Variants in NTM observed in about 807,000 individuals in gnomAD.
NTM encodes the protein neurotrimin.
In NTM, 13 loss-of-function variants were observed where a neutral mutation model predicts 42.1. The observed-to-expected ratio is 0.31, with a 90% CI of 0.20 to 0.49. The LOEUF is 0.49. NTM is among the 20% of genes least tolerant of loss of function. NTM has a pLI of 0.99. For synonymous variants in NTM, 187 were observed against 179.2 expected (o/e 1.04, Z -0.35); for missense variants, 373 against 452.8 (o/e 0.82, Z 1.60).
chr11:131,645,471 C>T (rs75836773), intron 1 of NTM, among the ~76,000 whole-genome samples: 3 of 152,216 alleles, frequency 2.0e-5, no homozygotes, highest in Non-Finnish European at 2.9e-5. Context: ...CACCTTCAGA[C>T]CTACATGCTA....
intron 1 of NTM, among the ~76,000 whole-genome samples, chr11:131,388,645 C>T (rs1943616255): frequency 6.6e-6 from 1 of 151,870 alleles, no homozygotes; most frequent in Non-Finnish European, 1.5e-5. Context: ...GAATGCTGCT[C>T]TTTCTGGCTC....
chr11:132,325,815 C>A (rs1039185136), intron 7 of NTM, among the ~76,000 whole-genome samples: 1 of 152,164 alleles, frequency 6.6e-6, no homozygotes, highest in Non-Finnish European at 1.5e-5. Flanking sequence ...GGCACATATA[C>A]ACCACGGAAT....
intron 1 of NTM, among the ~76,000 whole-genome samples, chr11:131,411,461 C>T (rs961974856): frequency 8.6e-5 from 13 of 151,546 alleles, no homozygotes; most frequent in East Asian, 7.8e-4. Context: ...AAAAGGCTTC[C>T]GGATTGAGGT....
At chr11:131,404,073 A>G (rs946952736) in intron 1 of NTM, among the ~76,000 whole-genome samples, 7 of 151,510 alleles carry the variant, frequency 4.6e-5, no homozygotes, top group African/African-American at 1.7e-4. Context: ...AACATCAACA[A>G]TCTCTCTTGA....
At chr11:131,484,213 T>C (rs534521915) in intron 1 of NTM, among the ~76,000 whole-genome samples, 1 of 152,276 alleles carries the variant, frequency 6.6e-6, no homozygotes, top group East Asian at 1.9e-4. Flanking sequence ...CAAATGGCAA[T>C]TGCTTTATGC....
intron 1 of NTM, among the ~76,000 whole-genome samples, chr11:131,516,249 C>T (rs1435831094): frequency 6.6e-6 from 1 of 152,168 alleles, no homozygotes; most frequent in Admixed American, 6.5e-5. Flanking sequence ...TATGTAATTC[C>T]TATATTCTAT....
At chr11:131,716,052 C>T (rs1338311063) in intron 1 of NTM, among the ~76,000 whole-genome samples, 1 of 152,172 alleles carries the variant, frequency 6.6e-6, no homozygotes, top group Non-Finnish European at 1.5e-5. Flanking sequence ...AGAAGTTGTT[C>T]TCACAGTTCC....
chr11:131,706,123 G>A (rs1409772884), intron 1 of NTM, among the ~76,000 whole-genome samples: 1 of 152,020 alleles, frequency 6.6e-6, no homozygotes, highest in Non-Finnish European at 1.5e-5. Flanking sequence ...TGTAGGCAGA[G>A]AGTGAAGGAA....
intron 1 of NTM, among the ~76,000 whole-genome samples, chr11:131,820,074 A>G (rs1276546672): frequency 3.3e-5 from 5 of 152,226 alleles, no homozygotes; most frequent in African/African-American, 1.2e-4. Flanking sequence ...ATTAACTAAC[A>G]GAGAATTGCA....
intron 1 of NTM, among the ~76,000 whole-genome samples, chr11:131,530,397 G>C (rs1408365632): frequency 7.1e-6 from 1 of 140,960 alleles, no homozygotes; most frequent in Non-Finnish European, 1.5e-5. Context: ...TACTGTGAAA[G>C]TCATCTAGTA....
intron 1 of NTM, among the ~76,000 whole-genome samples, chr11:131,886,953 G>A (rs1408976176): frequency 1.3e-5 from 2 of 152,206 alleles, no homozygotes; most frequent in African/African-American, 4.8e-5. Flanking sequence ...AGCTCCGCAA[G>A]CGAGCACTAC....
intron 2 of NTM, among the ~76,000 whole-genome samples, chr11:132,102,476 A>G (rs1039813832): frequency 2.0e-5 from 3 of 152,170 alleles, no homozygotes; most frequent in Non-Finnish European, 2.9e-5. Context: ...GTGCCATATA[A>G]CTGCACCACG....
At chr11:131,688,084 G>T (rs1737432714) in intron 1 of NTM, among the ~76,000 whole-genome samples, 1 of 152,218 alleles carries the variant, frequency 6.6e-6, no homozygotes, top group Non-Finnish European at 1.5e-5. Flanking sequence ...GGGGTGCGAC[G>T]CGCGCTGCCA....
chr11:131,398,419 C>T (rs1173010327), intron 1 of NTM, among the ~76,000 whole-genome samples: 8 of 151,970 alleles, frequency 5.3e-5, no homozygotes, highest in African/African-American at 1.7e-4. Context: ...CTAATTTTTT[C>T]TTATTCTCTG....
chr11:131,742,051 A>G (rs927651544), intron 1 of NTM, among the ~76,000 whole-genome samples: 3 of 152,144 alleles, frequency 2.0e-5, no homozygotes, highest in African/African-American at 7.2e-5. Context: ...AGAAGAGAAC[A>G]ACACACACTG....
intron 1 of NTM, among the ~76,000 whole-genome samples, chr11:131,574,746 C>G (rs1237040122): frequency 6.6e-6 from 1 of 152,060 alleles, no homozygotes; most frequent in Admixed American, 6.5e-5. Flanking sequence ...GTAAAGGAAG[C>G]AATATTATTC....
intron 1 of NTM, among the ~76,000 whole-genome samples, chr11:131,802,791 G>T (rs1380539279): frequency 1.3e-5 from 2 of 152,236 alleles, no homozygotes; most frequent in Non-Finnish European, 2.9e-5. Flanking sequence ...AAGAAAGCGA[G>T]AAACAAAAAC....
chr11:132,070,563 ACGT>A (rs1452964291), intron 2 of NTM, among the ~76,000 whole-genome samples: 16 of 124,074 alleles, frequency 1.3e-4, no homozygotes, highest in African/African-American at 2.8e-4. Context: ...TTTAGTTAAC[ACGT>A]CACACAGCCA....
chr11:131,672,217 C>T (rs1469159661), intron 1 of NTM, among the ~76,000 whole-genome samples: 1 of 152,186 alleles, frequency 6.6e-6, no homozygotes, highest in African/African-American at 2.4e-5. Flanking sequence ...GCAAGGGGAC[C>T]CTTGAACATT....
Sources: gnomAD v4.1 joint callset for allele counts (sites outside exome capture counted in the v4.1 genomes callset) on GRCh38, gnomAD v4.1.1 for gene constraint, MANE v1.5 for transcripts, NCBI Gene and HGNC (gene_info 2026-07-23, HGNC 2026-07-21) for gene names.